TRPM2: variants seen among roughly 807,000 people sequenced by gnomAD.
The protein encoded by TRPM2 is estrogen-responsive element-associated gene 1 protein.
TRPM2 carries 161 observed loss-of-function variants against 174.0 expected under a neutral mutation model. That is an observed-to-expected ratio of 0.93 (90% CI 0.81 to 1.05). The LOEUF (loss-of-function observed/expected upper bound fraction) is 1.05, where lower values mean the gene tolerates loss of function less well. TRPM2 is among the 50% of genes least tolerant of loss of function. The pLI, the probability that TRPM2 is intolerant of heterozygous loss-of-function variation, is 0.00. For synonymous variants in TRPM2, 954 were observed against 861.3 expected, an observed-to-expected ratio of 1.11 and a Z score of -1.88; for missense variants, 2,057 against 2,038.0, an observed-to-expected ratio of 1.01 and a Z score of -0.18.
At position 44,398,086 on chromosome 21, in the gene TRPM2, G is replaced by C. The variant is rs117531534; in HGVS notation, c.2062+210G>C. On this transcript the variant is annotated intron_variant, in intron 13 of 31. Coordinates refer to ENST00000397928, the MANE Select transcript of TRPM2 (RefSeq NM_003307.4). ...GTTCGTCTTGCCTGCTGCTCAGATA[G>C]AGCCCATTTGTTAAGACAGCGAGAT... is the stretch of plus-strand genomic sequence containing the variant. Among the ~76,000 whole-genome samples, 68 of 152,336 alleles carry C rather than the reference G, an allele frequency of 4.5e-4. No homozygotes were observed. In the East Asian group the frequency reaches 0.012, roughly 28 times the overall value.
intron 19 of TRPM2, 98 bp downstream of exon 19, chr21:44,406,863 CAG>C: frequency 7.0e-7 from 1 of 1,432,768 alleles, no homozygotes; most frequent in East Asian, 2.5e-5. Context: ...CCGGCTCCAT[CAG>C]GGGGTCCTGC....
intron 18 of TRPM2, 39 bp from the exon 19 acceptor site, chr21:44,406,555 G>A: frequency 1.3e-6 from 2 of 1,582,008 alleles, no homozygotes; most frequent in Admixed American, 1.8e-5. Flanking sequence ...GAGCATCGGG[G>A]GCCAGGAGAG....
rs1372169653 is a variant in TRPM2 at position 44,376,441 on chromosome 21, G to T, written c.952+428G>T. Among the ~76,000 whole-genome samples the T allele has an allele frequency of 6.6e-6, 1 of 152,092 alleles. No individual in the cohort carries two copies. Among genetic ancestry groups the T allele is most frequent in the African/African-American group, 2.4e-5 (1 of 41,410 alleles). ...TTTGGGACAGGGTCTGGAGCGCAGT[G>T]GTGTGATCTCAGCTCACTGTAGCCT... is the stretch of plus-strand genomic sequence containing the variant. On this transcript the variant is annotated intron_variant, in intron 6 of 31. Coordinates refer to ENST00000397928, the MANE Select transcript of TRPM2 (RefSeq NM_003307.4). The surrounding 1 kb of genome is among the most constrained non-coding windows in gnomAD (Gnocchi z 4.2).
chr21:44,373,445 C>G (rs898654385), intron 5 of TRPM2, among the ~76,000 whole-genome samples: 1 of 152,240 alleles, frequency 6.6e-6, no homozygotes, highest in African/African-American at 2.4e-5. Context: ...CCTCGGCCCC[C>G]CAAAGTGCTG....
upstream of TRPM2, among the ~76,000 whole-genome samples, chr21:44,352,994 C>A (rs2123003782): frequency 0.037 from 5,584 of 151,500 alleles, 344 homozygotes; most frequent in African/African-American, 0.13. Context: ...GTTGCTACTA[C>A]ATACAAAAAA....
chr21:44,394,273 C>T (rs927763856), intron 11 of TRPM2, among the ~76,000 whole-genome samples: 1 of 149,698 alleles, frequency 6.7e-6, no homozygotes, highest in African/African-American at 2.5e-5. Flanking sequence ...AAAGCAGAAT[C>T]TCAAGCTTAT....
chr21:44,424,974 G>T, intron 24 of TRPM2, 35 bp downstream of exon 24: 1 of 1,557,888 alleles, frequency 6.4e-7, no homozygotes, highest in South Asian at 1.2e-5. Context: ...CTGGTCTCCA[G>T]CCGCCTGTTT....
Position 44,401,864 on chromosome 21 carries a change from G to A in TRPM2, c.2505G>A (p.Trp835Ter). ...GGTGCGAGTGTGCCATCTACCTCTGGCTCTTCTCCTTGGTGTGCGAGGAGA... is the reference window on the plus strand; with the variant it reads ...GGTGCGAGTGTGCCATCTACCTCTGACTCTTCTCCTTGGTGTGCGAGGAGA... ...PSWCECAIYLWLFSLVCEEMR... is the reference protein window; with the variant it reads ...PSWCECAIYL The change falls in exon 16 of 32, where the codon TGG becomes TGA. Residue 835 changes from tryptophan (W) to a stop codon, truncating the protein, a stop_gained. Coordinates refer to ENST00000397928, the MANE Select transcript of TRPM2 (RefSeq NM_003307.4). LOFTEE classifies it high-confidence loss of function. 1 of 1,613,844 alleles carries A rather than the reference G, an allele frequency of 6.2e-7. No individual in the cohort carries two copies. The highest frequency in any genetic ancestry group is 8.5e-7 in the Non-Finnish European group (1 of 1,180,004).
chr21:44,405,406 A>G (rs1433968134), intron 17 of TRPM2, 146 bp downstream of exon 17: 1 of 1,247,728 alleles, frequency 8.0e-7, no homozygotes, highest in Non-Finnish European at 1.1e-6. Context: ...ATGGGTGTCC[A>G]GGCAACAGCG....
chr21:44,381,098 G>A (rs1371201329), intron 8 of TRPM2, among the ~76,000 whole-genome samples: 6 of 152,074 alleles, frequency 3.9e-5, no homozygotes, highest in Non-Finnish European at 8.8e-5. Context: ...CCCGAGGGAT[G>A]GGGCACCGTT....
chr21:44,385,466 T>C (rs892015414), intron 9 of TRPM2, among the ~76,000 whole-genome samples: 2 of 152,304 alleles, frequency 1.3e-5, no homozygotes, highest in African/African-American at 4.8e-5. Context: ...AATCTTTTCC[T>C]CCAAGATAGA....
chr21:44,425,201 C>A, intron 24 of TRPM2: 1 of 510,856 alleles, frequency 2.0e-6, no homozygotes, highest in Non-Finnish European at 3.5e-6. Context: ...CCTGAGCTCC[C>A]CACATACCGC....
At chr21:44,394,313 ATTTCTTTT>A (rs2049270934) in intron 11 of TRPM2, among the ~76,000 whole-genome samples, 1 of 131,384 alleles carries the variant, frequency 7.6e-6, no homozygotes. Context: ...AGAAAAACAC[ATTTCTTTT>A]TTTTTTTTTT....
chr21:44,414,433 T>A (rs1001985845), intron 20 of TRPM2, among the ~76,000 whole-genome samples: 8 of 152,212 alleles, frequency 5.3e-5, no homozygotes, highest in Non-Finnish European at 1.2e-4. Flanking sequence ...GGCGCAGCAT[T>A]ATTCATGGGC....
rs141619789 is a variant in TRPM2 at position 44,441,964 on chromosome 21, C to G, written c.*147C>G. The G allele has an allele frequency of 8.4e-7, 1 of 1,192,888 alleles. No homozygotes were observed. Among genetic ancestry groups the G allele is most frequent in the Non-Finnish European group, 1.1e-6 (1 of 908,546 alleles). The allele number at this position is 1,192,888 out of a possible 1,614,324, so 73.9% of individuals were successfully genotyped here. A position where few individuals can be genotyped will look rare whatever the true frequency, so the allele number is the denominator to read the frequency against. On this transcript the variant is annotated 3_prime_UTR_variant, in exon 32 of 32. Coordinates refer to ENST00000397928, the MANE Select transcript of TRPM2 (RefSeq NM_003307.4). Reference sequence around the variant, plus strand: ...TGGACCCAGTGCCCCTCACGGCTGCCGCAAGTCTGCTGCAGATGACCTCAT... The same window carrying G: ...TGGACCCAGTGCCCCTCACGGCTGCGGCAAGTCTGCTGCAGATGACCTCAT...
intron 20 of TRPM2, among the ~76,000 whole-genome samples, 198 bp downstream of exon 20, chr21:44,414,272 C>G (rs1156328460): frequency 1.3e-5 from 2 of 152,178 alleles, no homozygotes; most frequent in African/African-American, 4.8e-5. Context: ...TGGCGTGAGT[C>G]TGTCTCTTGA....
chr21:44,433,513 CT>C (rs1450489244), intron 27 of TRPM2, among the ~76,000 whole-genome samples: 1 of 152,198 alleles, frequency 6.6e-6, no homozygotes, highest in Middle Eastern at 3.2e-3. Flanking sequence ...AGAATGGTGG[CT>C]GGCAAGGGCG....
intron 22 of TRPM2, chr21:44,423,235 A>G (rs1040992500): frequency 7.8e-5 from 17 of 218,486 alleles, no homozygotes; most frequent in African/African-American, 3.6e-4. Context: ...CACGACCCCC[A>G]CAAAATAAGA....
rs757715079 is a variant in TRPM2, at chr21:44,400,351, C to T, written c.2301C>T (p.Leu767=). 1.2e-5 allele frequency: 20 copies of T among 1,612,176 alleles called. No homozygotes were observed. The highest frequency in any genetic ancestry group is 1.7e-5 in the Non-Finnish European group (20 of 1,179,822). The change falls in exon 15 of 32, where the codon CTC becomes CTT. Residue 767 remains leucine (L), a synonymous_variant. Transcript: ENST00000397928. ...GCATGCTGGCCTTCCCGCTGCTCCT[C>T]ACCGGCCTCATCTCCTTCAGGTGCT... ...TLCMLAFPLL[L]TGLISFREKR...
Sources: allele counts gnomAD v4.1 joint callset (sites outside exome capture counted in the v4.1 genomes callset), GRCh38; gene constraint gnomAD v4.1.1; non-coding constraint Gnocchi (gnomAD v3.1); transcripts MANE v1.5; gene names NCBI Gene and HGNC (gene_info 2026-07-23, HGNC 2026-07-21).